CES5A: variants seen among roughly 807,000 people sequenced by gnomAD.
CES5A encodes carboxylesterase 5.
Under a neutral mutation model 62.9 loss-of-function variants are expected in CES5A, and 67 were observed. The ratio of observed to expected loss-of-function variants is 1.07; its 90% confidence interval spans 0.88 to 1.31. CES5A has a LOEUF of 1.31. CES5A is among the 50% of genes most tolerant of loss of function. The probability of loss-of-function intolerance (pLI) is 0.00; values close to 1 mark genes in which losing one functional copy is unlikely to be tolerated. For synonymous variants in CES5A, 296 were observed against 280.8 expected, an observed-to-expected ratio of 1.05 and a Z score of -0.54; for missense variants, 748 against 708.5, an observed-to-expected ratio of 1.06 and a Z score of -0.63.
At chr16:55,952,985 T>C (rs531969412) in intron 1 of CES5A, among the ~76,000 whole-genome samples, 44 of 152,286 alleles carry the variant, frequency 2.9e-4, no homozygotes, top group African/African-American at 9.9e-4. Flanking sequence ...ATATTGTTTA[T>C]GAGCAAAGAT....
upstream of CES5A, among the ~76,000 whole-genome samples, chr16:55,928,515 T>C (rs975878027): frequency 1.3e-5 from 2 of 152,166 alleles, no homozygotes; most frequent in African/African-American, 4.8e-5. Context: ...CCAGACTTCG[T>C]CACTATACAG....
At chr16:55,944,368 G>A in intron 2 of CES5A, 2 of 409,920 alleles carry the variant, frequency 4.9e-6, no homozygotes, top group Non-Finnish European at 8.9e-6. Flanking sequence ...CCACCATTGG[G>A]GGCTCTCATT....
At chr16:55,919,783 A>T (rs1316033154) in intron 1 of CES5A, among the ~76,000 whole-genome samples, 1 of 152,236 alleles carries the variant, frequency 6.6e-6, no homozygotes, top group Admixed American at 6.5e-5. Context: ...AAACCAACCC[A>T]ACTGTAGAAT....
intron 5 of CES5A, among the ~76,000 whole-genome samples, chr16:55,863,878 T>C (rs2033403922): frequency 6.6e-6 from 1 of 151,676 alleles, no homozygotes; most frequent in African/African-American, 2.4e-5. Flanking sequence ...TGCCTCAGCC[T>C]CCAGAGTAGC....
intron 10 of CES5A, among the ~76,000 whole-genome samples, chr16:55,852,569 G>T (rs1181364820): frequency 6.6e-6 from 1 of 152,198 alleles, no homozygotes; most frequent in Non-Finnish European, 1.5e-5. Context: ...TGGCTAAGAT[G>T]TTGGGGAAGA....
rs548244981 is a variant in CES5A at position 55,869,782 on chromosome 16, GCACCACCTCCCCTCCCCAT to G, written c.418-57_418-39del. 328 of 1,568,924 alleles carry G rather than the reference GCACCACCTCCCCTCCCCAT, an allele frequency of 2.1e-4. 2 individuals carry two copies. In the African/African-American group the frequency reaches 4.1e-3, roughly 20 times the overall value. On this transcript the variant is annotated intron_variant, in intron 3 of 12. Transcript: ENST00000290567. ...GAAGAGCATCCAGTCAGCCCACCAG[GCACCACCTCCCCTCCCCAT>G]GCAGTTTGAGGCACACGTTCTTAAG...
At chr16:55,915,360 G>A (rs2142453945) in intron 1 of CES5A, among the ~76,000 whole-genome samples, 1 of 152,280 alleles carries the variant, frequency 6.6e-6, no homozygotes, top group Non-Finnish European at 1.5e-5. Flanking sequence ...CTGGGCCAGG[G>A]AAGCGGGAGG....
chr16:55,880,029 T>C (rs571245397), upstream of CES5A, among the ~76,000 whole-genome samples: 344 of 152,360 alleles, frequency 2.3e-3, 2 homozygotes, highest in Non-Finnish European at 4.0e-3. Flanking sequence ...TTGATGACTC[T>C]ATTATTTACA....
intron 9 of CES5A, among the ~76,000 whole-genome samples, chr16:55,855,270 G>T (rs759031693): frequency 6.6e-6 from 1 of 152,190 alleles, no homozygotes; most frequent in African/African-American, 2.4e-5. Context: ...ATGAACATCG[G>T]CACTGAGTCC....
chr16:55,895,072 G>T (rs1211127660), intron 1 of CES5A, among the ~76,000 whole-genome samples: 1 of 152,184 alleles, frequency 6.6e-6, no homozygotes, highest in East Asian at 1.9e-4. Flanking sequence ...CTCACATCTG[G>T]CTGACCTTCA....
chr16:55,899,311 T>G (rs1335822538), intron 1 of CES5A, among the ~76,000 whole-genome samples: 1 of 152,156 alleles, frequency 6.6e-6, no homozygotes, highest in Non-Finnish European at 1.5e-5. Context: ...AATGGGAGGC[T>G]TCCTGGATAA....
intron 1 of CES5A, among the ~76,000 whole-genome samples, chr16:55,902,531 G>A (rs1379115761): frequency 1.3e-5 from 2 of 150,652 alleles, no homozygotes; most frequent in Non-Finnish European, 2.9e-5. Context: ...TGGGAGAGGA[G>A]ACCACTTTGG....
chr16:55,868,913 A>G (rs571191491), intron 4 of CES5A, among the ~76,000 whole-genome samples: 1 of 152,300 alleles, frequency 6.6e-6, no homozygotes, highest in Admixed American at 6.5e-5. Context: ...TTGAAGGATT[A>G]TTTTGAGGGT....
intron 1 of CES5A, among the ~76,000 whole-genome samples, chr16:55,896,179 C>T (rs1454963116): frequency 6.6e-6 from 1 of 152,128 alleles, no homozygotes; most frequent in African/African-American, 2.4e-5. Flanking sequence ...AGAGAGAGAG[C>T]ATGTGCAGGG....
At chr16:55,849,197 C>T (rs2142381072) in intron 11 of CES5A, among the ~76,000 whole-genome samples, 2 of 152,226 alleles carry the variant, frequency 1.3e-5, no homozygotes, top group East Asian at 1.9e-4. Flanking sequence ...ATTTACAAAG[C>T]TCTTCTGGGT....
intron 6 of CES5A, among the ~76,000 whole-genome samples, chr16:55,862,801 A>G (rs1408067491): frequency 6.6e-5 from 10 of 152,206 alleles, no homozygotes. Context: ...CCTGATATAT[A>G]CCAGGTATTA....
At chr16:55,895,356 T>A (rs192133985) in intron 1 of CES5A, among the ~76,000 whole-genome samples, 5 of 152,374 alleles carry the variant, frequency 3.3e-5, no homozygotes, top group Admixed American at 3.3e-4. Flanking sequence ...GCATGGGCTG[T>A]GTCCAGCAAA....
chr16:55,885,684 G>A (rs1284569166), intron 1 of CES5A, among the ~76,000 whole-genome samples: 1 of 152,182 alleles, frequency 6.6e-6, no homozygotes, highest in Non-Finnish European at 1.5e-5. Flanking sequence ...TGTTAGCTAG[G>A]AGCAGCCTGT....
At chr16:55,892,380 A>G (rs1265253916) in intron 1 of CES5A, among the ~76,000 whole-genome samples, 2 of 151,934 alleles carry the variant, frequency 1.3e-5, no homozygotes, top group East Asian at 3.9e-4. Flanking sequence ...CTGCACCCCA[A>G]CCACCTTGGG....
Sources: gnomAD v4.1 joint callset for allele counts (sites outside exome capture counted in the v4.1 genomes callset) on GRCh38, gnomAD v4.1.1 for gene constraint, MANE v1.5 for transcripts, NCBI Gene and HGNC (gene_info 2026-07-23, HGNC 2026-07-21) for gene names.